The following ITGAE variants were observed in gnomAD, a reference collection of about 807,000 sequenced individuals.
The protein encoded by ITGAE is integrin alpha-E.
Under a neutral mutation model 136.5 loss-of-function variants are expected in ITGAE, and 99 were observed. That is an observed-to-expected ratio of 0.73 (90% CI 0.62 to 0.86). The LOEUF is 0.86. ITGAE is among the 40% of genes least tolerant of loss of function. The probability of loss-of-function intolerance (pLI) is 0.00; values close to 1 mark genes in which losing one functional copy is unlikely to be tolerated. For missense variants in ITGAE, 1,447 were observed against 1,515.3 expected (o/e 0.95, Z 0.75); for synonymous variants, 613 against 591.8 (o/e 1.04, Z -0.52).
At chr17:3,783,248 C>A (rs1432634192) in intron 1 of ITGAE, among the ~76,000 whole-genome samples, 1 of 152,228 alleles carries the variant, frequency 6.6e-6, no homozygotes. Context: ...TCAAGCAATT[C>A]TCCTGCCTCA....
chr17:3,791,374 C>T (rs1193278855), intron 1 of ITGAE, among the ~76,000 whole-genome samples: 1 of 151,914 alleles, frequency 6.6e-6, no homozygotes, highest in African/African-American at 2.4e-5. Context: ...CCTCTGTCTC[C>T]CGGATTCAAG....
At chr17:3,789,527 G>C (rs1336086368) in intron 1 of ITGAE, among the ~76,000 whole-genome samples, 2 of 133,772 alleles carry the variant, frequency 1.5e-5, no homozygotes, top group East Asian at 2.4e-4. Context: ...TTGAGATGGA[G>C]TCTCGCTCTG....
At chr17:3,784,867 C>G (rs952854474) in intron 1 of ITGAE, among the ~76,000 whole-genome samples, 2 of 152,196 alleles carry the variant, frequency 1.3e-5, no homozygotes, top group East Asian at 1.9e-4. Context: ...CACAGTGGCT[C>G]GTGCCTGTCA....
intron 21 of ITGAE, 137 bp downstream of exon 21, chr17:3,734,680 A>T: frequency 9.7e-7 from 1 of 1,031,738 alleles, no homozygotes; most frequent in Admixed American, 2.1e-5. Flanking sequence ...GGATTTATCT[A>T]GTTATTAACC....
At position 3,748,040 on chromosome 17, in the gene ITGAE, C is replaced by T. The variant is rs2051760897; in HGVS notation, c.2037G>A (p.Val679=). ...GQAVVFRSRP[V]VRLKVSMAFT... is the part of the protein sequence containing the mutation. ...AGGCCATGGAGACCTTCAGGCGAACCACAGGCCGGGAGCTAAACAAGACAG... is the reference window on the plus strand; with the variant it reads ...AGGCCATGGAGACCTTCAGGCGAACTACAGGCCGGGAGCTAAACAAGACAG... Residue 679 remains valine (V), a synonymous_variant, in exon 17 of 31, where the codon GTG becomes GTA. Transcript: ENST00000263087. 1.9e-6 allele frequency: 3 copies of T among 1,611,756 alleles called. No individual in the cohort carries two copies. Among genetic ancestry groups the T allele is most frequent in the Non-Finnish European group, 2.5e-6 (3 of 1,178,702 alleles).
chr17:3,730,817 C>A (rs2051324753), intron 23 of ITGAE, among the ~76,000 whole-genome samples: 1 of 152,224 alleles, frequency 6.6e-6, no homozygotes, highest in South Asian at 2.1e-4. Flanking sequence ...ATAGCTATCC[C>A]AAGCTATTCC....
At chr17:3,738,149 C>T (rs749613373) in intron 20 of ITGAE, among the ~76,000 whole-genome samples, 3 of 152,100 alleles carry the variant, frequency 2.0e-5, no homozygotes, top group African/African-American at 4.8e-5. Context: ...TCGCCAAGGA[C>T]GCTTGTTTGT....
intron 2 of ITGAE, among the ~76,000 whole-genome samples, chr17:3,766,833 ATAATAATAATAATAAACCT>A (rs1045639125): frequency 2.0e-5 from 3 of 146,624 alleles, no homozygotes; most frequent in African/African-American, 7.6e-5. Context: ...AATAATAATA[ATAATAATAATAATAAACCT>A]GTGTTGTTGT....
intron 2 of ITGAE, among the ~76,000 whole-genome samples, chr17:3,765,658 C>G (rs1019228679): frequency 6.6e-6 from 1 of 152,132 alleles, no homozygotes; most frequent in Admixed American, 6.6e-5. Flanking sequence ...ACGGACCGCT[C>G]TCTGTCCTCA....
intron 16 of ITGAE, 126 bp from the exon 17 acceptor site, chr17:3,748,178 C>T (rs1170666324): frequency 2.1e-6 from 2 of 953,340 alleles, no homozygotes; most frequent in Non-Finnish European, 3.0e-6. Flanking sequence ...ATCCCTGAGT[C>T]TCAGGGTACA....
At chr17:3,784,344 A>T (rs1250727774) in intron 1 of ITGAE, 3 of 342,708 alleles carry the variant, frequency 8.8e-6, no homozygotes, top group Admixed American at 4.5e-5. Context: ...CAACATAATT[A>T]GCAAAGTTGA....
In ITGAE at chr17:3,725,174, T is replaced by G. The variant is rs370638646; in HGVS notation, c.3085-1430A>C. The G allele has an allele frequency of 3.7e-6, 6 of 1,614,102 alleles. No homozygotes were observed. In the African/African-American group the frequency reaches 8.0e-5, roughly 22 times the overall value. ...TCTATACCACTGCCACTTCTCTCTC[T>G]GGATCCCTCCTATCAGAATGTTCAA... On this transcript the variant is annotated intron_variant, in intron 26 of 30. Coordinates refer to ENST00000263087, the MANE Select transcript of ITGAE (RefSeq NM_002208.5).
intron 1 of ITGAE, among the ~76,000 whole-genome samples, chr17:3,787,171 G>T (rs2052820003): frequency 6.6e-6 from 1 of 151,684 alleles, no homozygotes; most frequent in South Asian, 2.1e-4. Flanking sequence ...GAGTGCAGTG[G>T]TGTGATCTCG....
At chr17:3,776,256 C>T (rs1192463047) in intron 2 of ITGAE, among the ~76,000 whole-genome samples, 1 of 151,992 alleles carries the variant, frequency 6.6e-6, no homozygotes, top group Non-Finnish European at 1.5e-5. Context: ...CGGGGTTTCA[C>T]CATGTTGGCC....
At position 3,761,427 on chromosome 17, in the gene ITGAE, C is replaced by T; in HGVS notation, c.409G>A (p.Ala137Thr). 6.2e-7 allele frequency: 1 copy of T among 1,613,420 alleles called. No homozygotes were observed. ...SLLGPDLRPQAQANFFDLENL... is the reference protein window; with the variant it reads ...SLLGPDLRPQTQANFFDLENL... ...CCAAGGTCGAAGAAGTTGGCCTGAG[C>T]CTGGGGACGGAGGTCAGGGCCCAGG... Residue 137 changes from alanine to threonine, a missense_variant, in exon 5 of 31, where the codon GCT becomes ACT. Physicochemically the swap from Ala to Thr is moderately conservative, Grantham distance 58. This residue lies in a region of ITGAE where 310 missense variants were observed against 416.1 expected (regional missense o/e 0.74). Coordinates refer to ENST00000263087, the MANE Select transcript of ITGAE (RefSeq NM_002208.5).
At chr17:3,773,548 T>C (rs1326721138) in intron 2 of ITGAE, among the ~76,000 whole-genome samples, 2 of 95,272 alleles carry the variant, frequency 2.1e-5, no homozygotes, top group Non-Finnish European at 3.8e-5. Context: ...AAAGTGGGGG[T>C]GAGGGGCAAA....
At chr17:3,775,547 C>A (rs977726201) in intron 2 of ITGAE, among the ~76,000 whole-genome samples, 4 of 152,144 alleles carry the variant, frequency 2.6e-5, no homozygotes, top group African/African-American at 9.7e-5. Context: ...GCAGCCTCCA[C>A]CTCCTGGGTT....
At position 3,745,840 on chromosome 17, in the gene ITGAE, C is replaced by T. The variant is rs2051699596; in HGVS notation, c.2243G>A (p.Cys748Tyr). 6.2e-7 allele frequency: 1 copy of T among 1,614,138 alleles called. No individual in the cohort carries two copies. The highest frequency in any genetic ancestry group is 1.6e-4 in the Middle Eastern group (1 of 6,062). The part of the protein sequence containing the change: ...RRLQCSDVRS[C>Y]LGCLREWSSG... Reference sequence around the variant, plus strand: ...GCTCCACTCCCTCAGGCAGCCCAGACAGCTTCTTACGTCTGAACACTGCAG... The same window carrying T: ...GCTCCACTCCCTCAGGCAGCCCAGATAGCTTCTTACGTCTGAACACTGCAG... Residue 748 changes from cysteine to tyrosine, a missense_variant, in exon 18 of 31, where the codon TGT becomes TAT. Physicochemically the swap from Cys to Tyr is radical, Grantham distance 194 (BLOSUM62 -2). Around this residue, in one of 3 missense-constraint regions of ITGAE, gnomAD observed 1,031 missense variants for 1,011.4 expected, o/e 1.02. Transcript: ENST00000263087.
In ITGAE at chr17:3,731,146, G is replaced by C. The variant is rs200333390; in HGVS notation, c.2792C>G (p.Ala931Gly). 1.9e-5 allele frequency: 30 copies of C among 1,613,654 alleles called. No individual in the cohort carries two copies. The African/African-American group carries it at 4.0e-4, about 22-fold the overall frequency. Residue 931 changes from alanine (A) to glycine (G), a missense_variant, in exon 23 of 31, where the codon GCC becomes GGC. This residue lies in a region of ITGAE where 1,031 missense variants were observed against 1,011.4 expected (regional missense o/e 1.02). Coordinates refer to ENST00000263087, the MANE Select transcript of ITGAE (RefSeq NM_002208.5). ...GATGTCTGCTGTCCTGTTTGGAAAG[G>C]CATTCTCCTCTAGCTGCCAAACGAC... is the stretch of plus-strand genomic sequence containing the variant. ...VSVVWQLEEN[A>G]FPNRTADITV...
Sources: gnomAD v4.1 joint callset for allele counts (sites outside exome capture counted in the v4.1 genomes callset) on GRCh38, gnomAD v4.1.1 for gene constraint, gnomAD v4.1.1 regional missense constraint, MANE v1.5 for transcripts, NCBI Gene and HGNC (gene_info 2026-07-23, HGNC 2026-07-21) for gene names.